The following RBFOX1 variants were observed in gnomAD, a reference collection of about 807,000 sequenced individuals.
RBFOX1 encodes RNA binding fox-1 homolog 1, also known as RNA binding protein fox-1 homolog 1.
RBFOX1 carries 8 observed loss-of-function variants against 57.7 expected under a neutral mutation model. The ratio of observed to expected loss-of-function variants is 0.14; its 90% CI spans 0.08 to 0.25. RBFOX1 has a LOEUF of 0.25. Among genes scored for constraint, RBFOX1 ranks in the 10% least tolerant of loss-of-function variants. RBFOX1 has a pLI of 1.00. For missense variants in RBFOX1, 611 were observed against 548.5 expected (o/e 1.11, Z -1.14); for synonymous variants, 326 against 222.4 (o/e 1.47, Z -4.15).
At chr16:7,304,041 G>C (rs2096105245) in intron 4 of RBFOX1, among the ~76,000 whole-genome samples, 1 of 151,868 alleles carries the variant, frequency 6.6e-6, no homozygotes, top group Admixed American at 6.6e-5. Context: ...AAAGCCAGAC[G>C]ACCGCGCGAA....
At chr16:6,786,865 C>G (rs1477296639) in intron 3 of RBFOX1, among the ~76,000 whole-genome samples, 2 of 151,410 alleles carry the variant, frequency 1.3e-5, no homozygotes, top group Non-Finnish European at 2.9e-5. Flanking sequence ...ATATTTCAGA[C>G]CAGAAGGAAG....
At chr16:6,083,455 T>C (rs2096038861) in intron 1 of RBFOX1, among the ~76,000 whole-genome samples, 1 of 152,134 alleles carries the variant, frequency 6.6e-6, no homozygotes, top group Non-Finnish European at 1.5e-5. Context: ...CTTGCTTTCA[T>C]GCTCTCTTTG....
At chr16:6,785,864 A>G (rs1567236080) in intron 3 of RBFOX1, among the ~76,000 whole-genome samples, 3 of 152,242 alleles carry the variant, frequency 2.0e-5, no homozygotes, top group South Asian at 2.1e-4. Context: ...ATTAGACTCT[A>G]AAACTGATGC....
chr16:6,559,002 T>C (rs1249650117), intron 2 of RBFOX1, among the ~76,000 whole-genome samples: 2 of 152,124 alleles, frequency 1.3e-5, no homozygotes, highest in African/African-American at 4.8e-5. Context: ...GGAAAGTCTT[T>C]CCTGGAATTC....
intron 2 of RBFOX1, among the ~76,000 whole-genome samples, chr16:5,510,891 C>G (rs768806473): frequency 8.5e-5 from 13 of 152,122 alleles, no homozygotes; most frequent in Non-Finnish European, 1.6e-4. Context: ...TAGCTATGGC[C>G]ACGTATCCCC....
intron 1 of RBFOX1, among the ~76,000 whole-genome samples, chr16:5,303,225 A>G (rs1301850299): frequency 6.6e-6 from 1 of 152,186 alleles, no homozygotes; most frequent in South Asian, 2.1e-4. Context: ...TAATATTATC[A>G]TCATAGTGTT....
intron 2 of RBFOX1, among the ~76,000 whole-genome samples, chr16:6,584,942 T>C (rs2097585889): frequency 2.0e-5 from 3 of 152,136 alleles, no homozygotes; most frequent in Admixed American, 2.0e-4. Context: ...CAGTGACAAC[T>C]TCCCTTTGCC....
At chr16:7,639,582 G>T (rs2062405505) in intron 11 of RBFOX1, among the ~76,000 whole-genome samples, 1 of 152,102 alleles carries the variant, frequency 6.6e-6, no homozygotes, top group Middle Eastern at 3.4e-3. Context: ...TATTCTTGGG[G>T]GGACACATAA....
intron 4 of RBFOX1, among the ~76,000 whole-genome samples, chr16:5,976,013 G>A (rs1237509998): frequency 8.6e-5 from 13 of 151,910 alleles, no homozygotes; most frequent in Admixed American, 4.6e-4. Context: ...ATGTGGTGGC[G>A]TGTACCTGTA....
intron 3 of RBFOX1, among the ~76,000 whole-genome samples, chr16:7,019,992 T>TTC (rs1555777646): frequency 1.3e-5 from 2 of 151,456 alleles, no homozygotes; most frequent in Non-Finnish European, 2.9e-5. Context: ...TTTTTTTTTT[T>TTC]TCTCTGATGA....
chr16:6,512,116 A>T (rs2096266646), intron 2 of RBFOX1, among the ~76,000 whole-genome samples: 1 of 147,440 alleles, frequency 6.8e-6, no homozygotes, highest in Non-Finnish European at 1.5e-5. Flanking sequence ...CTACAAATAA[A>T]ATGAAAAAAA....
At chr16:6,029,224 C>A (rs1048930733) in intron 1 of RBFOX1, among the ~76,000 whole-genome samples, 1 of 152,126 alleles carries the variant, frequency 6.6e-6, no homozygotes, top group Non-Finnish European at 1.5e-5. Flanking sequence ...TCATTTTGCT[C>A]AGGAAACTTT....
At chr16:5,958,774 C>T (rs749973383) in intron 4 of RBFOX1, among the ~76,000 whole-genome samples, 9 of 152,156 alleles carry the variant, frequency 5.9e-5, no homozygotes, top group Non-Finnish European at 1.0e-4. Context: ...GCTTCTGGCA[C>T]CCACCCACAT....
In RBFOX1 at chr16:6,487,733, ATATATATATATATATATAT is replaced by A. The variant is rs1567405690; in HGVS notation, c.-63-166869_-63-166851del. Among the ~76,000 whole-genome samples, 42 of 51,350 alleles carry A rather than the reference ATATATATATATATATATAT, an allele frequency of 8.2e-4. 1 individual carries two copies. The highest frequency in any genetic ancestry group is 6.3e-4 in the Admixed American group (2 of 3,152). The allele number at this position is 51,350 out of a possible 152,430, so 33.7% of individuals were successfully genotyped here. A position where few individuals can be genotyped will look rare whatever the true frequency, so the allele number is the denominator to read the frequency against. On this transcript the variant is annotated intron_variant, in intron 2 of 15. Coordinates refer to ENST00000550418, the MANE Select transcript of RBFOX1 (RefSeq NM_018723.4). The stretch of plus-strand genomic sequence containing the variant: ...TATATATATATATATATATATATAT[ATATATATATATATATATAT>A]ATAAAATATTATGCAGTGATGGGCA...
intron 2 of RBFOX1, among the ~76,000 whole-genome samples, chr16:6,432,356 T>C (rs2094123458): frequency 6.6e-6 from 1 of 152,072 alleles, no homozygotes; most frequent in Admixed American, 6.6e-5. Flanking sequence ...GAAGCTTGTA[T>C]CTCAAAATCT....
At chr16:6,933,993 C>T (rs1597646801) in intron 3 of RBFOX1, among the ~76,000 whole-genome samples, 1 of 152,140 alleles carries the variant, frequency 6.6e-6, no homozygotes, top group Non-Finnish European at 1.5e-5. Context: ...ATCCTCTCAG[C>T]CCACCAGCCA....
chr16:6,179,965 T>G (rs373156790), intron 1 of RBFOX1, among the ~76,000 whole-genome samples: 1 of 152,366 alleles, frequency 6.6e-6, no homozygotes, highest in South Asian at 2.1e-4. Context: ...ATTCTTTTTC[T>G]GCATCTGTTG....
At chr16:6,886,624 G>T (rs562443133) in intron 3 of RBFOX1, among the ~76,000 whole-genome samples, 1 of 151,880 alleles carries the variant, frequency 6.6e-6, no homozygotes, top group Non-Finnish European at 1.5e-5. Flanking sequence ...GCGTGGTGGT[G>T]CTCACCTGTA....
At chr16:7,494,122 T>C (rs977501373) in intron 4 of RBFOX1, among the ~76,000 whole-genome samples, 1 of 152,192 alleles carries the variant, frequency 6.6e-6, no homozygotes, top group Non-Finnish European at 1.5e-5. Flanking sequence ...CTATAATAGA[T>C]AAAGGTGAGA....
Sources: gnomAD v4.1 joint callset for allele counts (sites outside exome capture counted in the v4.1 genomes callset) on GRCh38, gnomAD v4.1.1 for gene constraint, MANE v1.5 for transcripts, NCBI Gene and HGNC (gene_info 2026-07-23, HGNC 2026-07-21) for gene names.